The following PROS1 variants were observed in gnomAD, a reference collection of about 807,000 sequenced individuals.
The protein encoded by PROS1 is vitamin K-dependent protein S.
Under a neutral mutation model 75.9 loss-of-function variants are expected in PROS1, and 29 were observed. That is an observed-to-expected ratio of 0.38 (90% CI 0.28 to 0.52). The LOEUF is 0.52. Among genes scored for constraint, PROS1 ranks in the 20% least tolerant of loss-of-function variants. PROS1 has a pLI of 0.83. For missense variants in PROS1, 680 were observed against 810.3 expected (o/e 0.84, Z 1.95); for synonymous variants, 245 against 280.6 (o/e 0.87, Z 1.27).
At chr3:93,922,840 T>G (rs1397673461) in intron 3 of PROS1, among the ~76,000 whole-genome samples, 2 of 152,128 alleles carry the variant, frequency 1.3e-5, no homozygotes, top group East Asian at 3.9e-4. Context: ...GACCAAAATA[T>G]GAAATTTAAA....
At chr3:93,923,218 C>G (rs1708969015) in intron 3 of PROS1, among the ~76,000 whole-genome samples, 1 of 152,086 alleles carries the variant, frequency 6.6e-6, no homozygotes. Flanking sequence ...AAGAGAGATA[C>G]AAGGATAAAA....
At chr3:93,918,521 C>A (rs1341831010) in intron 3 of PROS1, among the ~76,000 whole-genome samples, 6 of 152,086 alleles carry the variant, frequency 3.9e-5, no homozygotes, top group African/African-American at 1.4e-4. Context: ...CCAGCGAGAC[C>A]ACAAACCCAG....
chr3:93,874,567 G>A lies in PROS1; in HGVS notation c.1871-162C>T, dbSNP rs562552809. Among the ~76,000 whole-genome samples the A allele has an allele frequency of 2.7e-4, 41 of 152,208 alleles. 1 individual carries two copies. The highest frequency in any genetic ancestry group is 5.2e-4 in the Admixed American group (8 of 15,292). On this transcript the variant is annotated intron_variant, in intron 14 of 14. Transcript: ENST00000394236. Reference sequence around the variant, plus strand: ...CCATAAATACATGTTAAGTGACGCCGATATACATGTTACTGTACTTCATTG... The same window carrying A: ...CCATAAATACATGTTAAGTGACGCCAATATACATGTTACTGTACTTCATTG...
At chr3:93,967,886 T>C (rs760689986) in intron 1 of PROS1, 13 of 152,138 alleles carry the variant, frequency 8.5e-5, no homozygotes, top group Admixed American at 3.3e-4. Context: ...AATGAGGCCC[T>C]GTCTCAAAAA....
At position 93,931,078 on chromosome 3, in the gene PROS1, T is replaced by C. The variant is rs182122102; in HGVS notation, c.77-3671A>G. Among the ~76,000 whole-genome samples, 124 of 152,370 alleles carry C rather than the reference T, an allele frequency of 8.1e-4. 2 individuals carry two copies. The highest frequency in any genetic ancestry group is 2.9e-3 in the African/African-American group (120 of 41,588). Reference sequence around the variant, plus strand: ...CAATGCTTTACATTGGTATGATACATAACAATGTTCAAAGCACGAATTAAT... The same window carrying C: ...CAATGCTTTACATTGGTATGATACACAACAATGTTCAAAGCACGAATTAAT... On this transcript the variant is annotated intron_variant, in intron 1 of 14. Transcript: ENST00000394236.
intron 1 of PROS1, among the ~76,000 whole-genome samples, chr3:93,944,568 C>A (rs1412676862): frequency 6.6e-6 from 1 of 152,002 alleles, no homozygotes; most frequent in Non-Finnish European, 1.5e-5. Context: ...GGGTACATAA[C>A]GAAATGAAGG....
rs1709047449 is a variant in PROS1 at position 93,927,915 on chromosome 3, A to ATATATATGTG, written c.77-509_77-508insCACATATATA. Among the ~76,000 whole-genome samples the ATATATATGTG allele has an allele frequency of 3.0e-5, 4 of 135,076 alleles. No homozygotes were observed. The Admixed American group carries it at 3.1e-4, about 10-fold the overall frequency. 88.6% of individuals were successfully genotyped at this position (135,076 alleles called of 152,430 possible). ...TATATATATATGTGTGTGTGTGTGT[A>ATATATATGTG]TATATATATGTGTATATATATATGT... is the stretch of plus-strand genomic sequence containing the variant. On this transcript the variant is annotated intron_variant, in intron 1 of 14. Coordinates refer to ENST00000394236, the MANE Select transcript of PROS1 (RefSeq NM_000313.4).
At chr3:93,895,452 GTATT>G (rs1163438889) in intron 9 of PROS1, among the ~76,000 whole-genome samples, 1 of 152,134 alleles carries the variant, frequency 6.6e-6, no homozygotes, top group Non-Finnish European at 1.5e-5. Flanking sequence ...TGTTACTTAA[GTATT>G]TATGTAAGTT....
chr3:93,901,172 A>T (rs187117124), intron 6 of PROS1, among the ~76,000 whole-genome samples: 1 of 152,188 alleles, frequency 6.6e-6, no homozygotes, highest in Non-Finnish European at 1.5e-5. Context: ...TATGTTAAGA[A>T]GGAGAAAGCT....
chr3:93,930,239 A>G (rs1205018356), intron 1 of PROS1, among the ~76,000 whole-genome samples: 1 of 152,234 alleles, frequency 6.6e-6, no homozygotes, highest in Non-Finnish European at 1.5e-5. Context: ...TGATCATGCT[A>G]TCTGCCAAGT....
intron 1 of PROS1, among the ~76,000 whole-genome samples, chr3:93,955,757 G>T (rs1427680921): frequency 6.6e-6 from 1 of 151,916 alleles, no homozygotes; most frequent in Non-Finnish European, 1.5e-5. Context: ...AAATTCTGCA[G>T]GCAATTGTCA....
At chr3:93,948,769 T>C (rs1354088099) in intron 1 of PROS1, among the ~76,000 whole-genome samples, 1 of 152,226 alleles carries the variant, frequency 6.6e-6, no homozygotes, top group African/African-American at 2.4e-5. Context: ...GCGTGCCAGA[T>C]CTGCTCACAT....
At chr3:93,925,529 G>C (rs1159636004) in intron 2 of PROS1, among the ~76,000 whole-genome samples, 1 of 151,948 alleles carries the variant, frequency 6.6e-6, no homozygotes. Context: ...TTGTAACACA[G>C]TAACAAATGT....
At chr3:93,970,878 C>T (rs1248141218) in intron 1 of PROS1, among the ~76,000 whole-genome samples, 4 of 152,112 alleles carry the variant, frequency 2.6e-5, no homozygotes, top group Non-Finnish European at 5.9e-5. Context: ...TGCATACCTA[C>T]AGTCCCAGAC....
chr3:93,956,450 T>C (rs936119813), intron 1 of PROS1, among the ~76,000 whole-genome samples: 2 of 151,900 alleles, frequency 1.3e-5, no homozygotes, highest in African/African-American at 4.8e-5. Flanking sequence ...TAAGCTGAGA[T>C]CATGCCACTG....
chr3:93,878,856 C>T (rs1187005788), intron 13 of PROS1, among the ~76,000 whole-genome samples: 1 of 151,982 alleles, frequency 6.6e-6, no homozygotes, highest in Non-Finnish European at 1.5e-5. Flanking sequence ...GGGTGGATCT[C>T]TATGTACTCG....
At chr3:93,948,276 A>AT (rs1289146462) in intron 1 of PROS1, among the ~76,000 whole-genome samples, 1 of 151,598 alleles carries the variant, frequency 6.6e-6, no homozygotes, top group African/African-American at 2.4e-5. Context: ...TCTGCCATCC[A>AT]TAAAAAAAAA....
At chr3:93,883,990 G>A (rs952495648) in intron 12 of PROS1, among the ~76,000 whole-genome samples, 9 of 152,120 alleles carry the variant, frequency 5.9e-5, no homozygotes, top group African/African-American at 2.2e-4. Flanking sequence ...GAAACCTGTG[G>A]TGCATTAAGG....
At chr3:93,970,629 G>A (rs969136608) in intron 1 of PROS1, among the ~76,000 whole-genome samples, 22 of 151,868 alleles carry the variant, frequency 1.4e-4, no homozygotes, top group African/African-American at 4.8e-4. Flanking sequence ...AGGCATGAGC[G>A]GCTATGACCG....
Sources: allele counts gnomAD v4.1 joint callset (sites outside exome capture counted in the v4.1 genomes callset), GRCh38; gene constraint gnomAD v4.1.1; transcripts MANE v1.5; gene names NCBI Gene and HGNC (gene_info 2026-07-23, HGNC 2026-07-21).